LINGO2: variants seen among roughly 807,000 people sequenced by gnomAD.
The protein encoded by LINGO2 is leucine rich repeat and Ig domain containing 2, also known as leucine-rich repeat and immunoglobulin-like domain-containing nogo receptor-interacting protein 2.
Under a neutral mutation model 30.6 loss-of-function variants are expected in LINGO2, and 14 were observed. The ratio of observed to expected loss-of-function variants is 0.46; its 90% CI spans 0.30 to 0.72. LINGO2 has a LOEUF of 0.72. Among genes scored for constraint, LINGO2 ranks in the 30% least tolerant of loss-of-function variants. LINGO2 has a pLI of 0.07. For synonymous variants in LINGO2, 317 were observed against 288.5 expected (o/e 1.10, Z -1.00); for missense variants, 729 against 751.7 (o/e 0.97, Z 0.35).
the LINGO2 span, among the ~76,000 whole-genome samples, chr9:29,018,091 T>TTA: frequency 0.15 from 3,535 of 23,142 alleles, 57 homozygotes; most frequent in Middle Eastern, 0.25. Flanking sequence ...AATATACATT[T>TTA]TATATATATA....
At chr9:28,932,848 A>T in the LINGO2 span, among the ~76,000 whole-genome samples, 1 of 152,062 alleles carries the variant, frequency 6.6e-6, no homozygotes, top group Non-Finnish European at 1.5e-5. Flanking sequence ...TACTACGCTT[A>T]TATATAATTA....
At chr9:29,108,628 T>C in the LINGO2 span, among the ~76,000 whole-genome samples, 1 of 152,228 alleles carries the variant, frequency 6.6e-6, no homozygotes, top group Admixed American at 6.5e-5. Flanking sequence ...TTAGATCTCA[T>C]TCCCTAAGCA....
At chr9:28,971,432 G>A in the LINGO2 span, among the ~76,000 whole-genome samples, 1 of 152,156 alleles carries the variant, frequency 6.6e-6, no homozygotes, top group Non-Finnish European at 1.5e-5. Flanking sequence ...TGAGTCCCAA[G>A]CCAGGTAGCA....
chr9:28,877,141 C>G, the LINGO2 span, among the ~76,000 whole-genome samples: 20,211 of 145,542 alleles, frequency 0.14, 1,946 homozygotes, highest in African/African-American at 0.28. Flanking sequence ...ATTTTAGATT[C>G]TGGATATTAG....
At chr9:28,698,311 C>G in the LINGO2 span, among the ~76,000 whole-genome samples, 1 of 151,880 alleles carries the variant, frequency 6.6e-6, no homozygotes, top group Non-Finnish European at 1.5e-5. Context: ...TTGCACAGGT[C>G]CTTTATACAT....
the LINGO2 span, among the ~76,000 whole-genome samples, chr9:28,864,571 G>T: frequency 6.6e-6 from 1 of 152,048 alleles, no homozygotes; most frequent in Non-Finnish European, 1.5e-5. Flanking sequence ...AGTAATTCAT[G>T]CTTTTGAAAA....
chr9:28,557,640 T>C (rs932219160), intron 1 of LINGO2, among the ~76,000 whole-genome samples: 2 of 151,770 alleles, frequency 1.3e-5, no homozygotes, highest in Non-Finnish European at 1.5e-5. Context: ...AGCCATCCCA[T>C]TACTGGGTAT....
At chr9:28,601,717 ACTC>A (rs1825485020) in intron 1 of LINGO2, among the ~76,000 whole-genome samples, 2 of 152,026 alleles carry the variant, frequency 1.3e-5, no homozygotes, top group Admixed American at 1.3e-4. Context: ...GAAAGATAAA[ACTC>A]CTGCTGAGAA....
At chr9:29,110,864 T>G in the LINGO2 span, among the ~76,000 whole-genome samples, 1,144 of 151,904 alleles carry the variant, frequency 7.5e-3, 10 homozygotes, top group Middle Eastern at 0.017. Flanking sequence ...CTAATTTTTG[T>G]ATTTTTAGTA....
chr9:28,639,251 A>G (rs982278280), intron 1 of LINGO2, among the ~76,000 whole-genome samples: 4 of 152,082 alleles, frequency 2.6e-5, no homozygotes, highest in East Asian at 1.9e-4. Flanking sequence ...TATGTGGTCA[A>G]TTTTGGAATA....
chr9:28,616,021 T>C (rs750011347), intron 1 of LINGO2, among the ~76,000 whole-genome samples: 2 of 152,074 alleles, frequency 1.3e-5, no homozygotes, highest in Non-Finnish European at 2.9e-5. Flanking sequence ...AGATTATTGA[T>C]TGGGAGGCAG....
At chr9:29,184,044 G>T in the LINGO2 span, among the ~76,000 whole-genome samples, 1 of 152,032 alleles carries the variant, frequency 6.6e-6, no homozygotes, top group Non-Finnish European at 1.5e-5. Flanking sequence ...GAAGGAACAC[G>T]CTCTTATCTA....
At chr9:28,176,726 ACCAAAGACT>A (rs1828760854) in intron 4 of LINGO2, among the ~76,000 whole-genome samples, 1 of 152,196 alleles carries the variant, frequency 6.6e-6, no homozygotes, top group African/African-American at 2.4e-5. Flanking sequence ...TGCTCAGCAC[ACCAAAGACT>A]CATCATAAAT....
chr9:28,999,937 T>C, the LINGO2 span, among the ~76,000 whole-genome samples: 1 of 151,950 alleles, frequency 6.6e-6, no homozygotes, highest in African/African-American at 2.4e-5. Flanking sequence ...CACTCAGGCA[T>C]GAAAGAACCC....
At chr9:28,406,241 G>T (rs1466281665) in intron 2 of LINGO2, among the ~76,000 whole-genome samples, 3 of 152,056 alleles carry the variant, frequency 2.0e-5, no homozygotes, top group African/African-American at 7.2e-5. Context: ...TTCAAGACCA[G>T]CCTGGCCAAC....
chr9:28,848,362 A>G, the LINGO2 span, among the ~76,000 whole-genome samples: 11 of 55,704 alleles, frequency 2.0e-4, no homozygotes, highest in Non-Finnish European at 2.7e-4. Flanking sequence ...ATACACATAT[A>G]TTGTGTGTGT....
intron 4 of LINGO2, among the ~76,000 whole-genome samples, chr9:28,197,382 T>TA (rs1024227589): frequency 2.7e-4 from 41 of 151,658 alleles, no homozygotes; most frequent in African/African-American, 5.3e-4. Flanking sequence ...AGTAAAGATT[T>TA]AAAAAAAACA....
chr9:28,174,734 TG>T (rs1383646979), intron 4 of LINGO2, among the ~76,000 whole-genome samples: 6 of 152,206 alleles, frequency 3.9e-5, no homozygotes, highest in Admixed American at 3.9e-4. Context: ...CCCAGTAGAC[TG>T]AAAGCTCTGT....
the LINGO2 span, among the ~76,000 whole-genome samples, chr9:28,855,942 C>T: frequency 2.6e-4 from 40 of 152,116 alleles, no homozygotes; most frequent in Non-Finnish European, 4.1e-4. Context: ...GAGATGTAGG[C>T]GGACACAGAG....
Sources: gnomAD v4.1 joint callset for allele counts (sites outside exome capture counted in the v4.1 genomes callset) on GRCh38, gnomAD v4.1.1 for gene constraint, MANE v1.5 for transcripts, NCBI Gene and HGNC (gene_info 2026-07-23, HGNC 2026-07-21) for gene names.